DPP10: variants seen among roughly 807,000 people sequenced by gnomAD.
DPP10 encodes dipeptidyl peptidase like 10.
In DPP10, 33 loss-of-function variants were observed where a neutral mutation model predicts 120.9. The observed-to-expected ratio is 0.27, with a 90% CI of 0.21 to 0.37. The LOEUF is 0.37. Among genes scored for constraint, DPP10 ranks in the 10% least tolerant of loss-of-function variants. The pLI, the probability that DPP10 is intolerant of heterozygous loss-of-function variation, is 1.00. For synonymous variants in DPP10, 337 were observed against 326.1 expected (o/e 1.03, Z -0.36); for missense variants, 816 against 942.8 (o/e 0.87, Z 1.76).
intron 1 of DPP10, among the ~76,000 whole-genome samples, chr2:114,668,931 C>G (rs1698134633): frequency 6.6e-6 from 1 of 151,990 alleles, no homozygotes; most frequent in Non-Finnish European, 1.5e-5. Flanking sequence ...TCGTAAATGT[C>G]GTGTTCTCAT....
chr2:115,482,421 T>G (rs1055290555), intron 3 of DPP10, among the ~76,000 whole-genome samples: 2 of 151,960 alleles, frequency 1.3e-5, no homozygotes, highest in Non-Finnish European at 2.9e-5. Flanking sequence ...CTTTTTAAAG[T>G]GTACAATTCA....
chr2:114,941,646 C>T (rs138238221), intron 1 of DPP10, among the ~76,000 whole-genome samples: 199 of 152,278 alleles, frequency 1.3e-3, no homozygotes, highest in South Asian at 0.012. Flanking sequence ...CGTATTGCAA[C>T]AGATGTTAAA....
intron 5 of DPP10, among the ~76,000 whole-genome samples, chr2:115,612,468 T>TA (rs1394381544): frequency 7.9e-5 from 12 of 152,182 alleles, no homozygotes; most frequent in African/African-American, 2.4e-4. Context: ...CGAAATCTAC[T>TA]AAAAAATGCA....
intron 1 of DPP10, among the ~76,000 whole-genome samples, chr2:114,503,322 A>C (rs1683358863): frequency 6.6e-6 from 1 of 152,188 alleles, no homozygotes. Context: ...AATGACTGGA[A>C]AAGTGGCTTG....
intron 3 of DPP10, among the ~76,000 whole-genome samples, chr2:115,454,304 T>C (rs1189790659): frequency 6.6e-6 from 1 of 151,622 alleles, no homozygotes; most frequent in African/African-American, 2.4e-5. Flanking sequence ...CAGACTAATA[T>C]TTTTCATAAA....
intron 5 of DPP10, among the ~76,000 whole-genome samples, chr2:115,550,884 T>G (rs2149002410): frequency 6.6e-6 from 1 of 152,320 alleles, no homozygotes; most frequent in South Asian, 2.1e-4. Context: ...GTAGTAGTAA[T>G]CTGGCCCATC....
chr2:114,929,265 G>A (rs564861425), intron 1 of DPP10, among the ~76,000 whole-genome samples: 38 of 152,232 alleles, frequency 2.5e-4, no homozygotes, highest in South Asian at 8.3e-4. Context: ...GAGGTTCCAC[G>A]TCCTGCTGCG....
intron 1 of DPP10, among the ~76,000 whole-genome samples, chr2:115,044,109 CTG>C (rs1165354082): frequency 6.6e-6 from 1 of 152,056 alleles, no homozygotes; most frequent in Non-Finnish European, 1.5e-5. Flanking sequence ...TGTAATCACT[CTG>C]TGTATTAGGC....
At chr2:115,452,883 A>G (rs1481528089) in intron 3 of DPP10, among the ~76,000 whole-genome samples, 1 of 151,954 alleles carries the variant, frequency 6.6e-6, no homozygotes, top group Non-Finnish European at 1.5e-5. Flanking sequence ...AGTGATGAGC[A>G]TATAGTAGGA....
intron 1 of DPP10, among the ~76,000 whole-genome samples, chr2:114,597,202 G>C (rs1691985776): frequency 1.3e-5 from 2 of 152,010 alleles, no homozygotes. Flanking sequence ...TCACCTACTG[G>C]TGAAATAATG....
intron 7 of DPP10, among the ~76,000 whole-genome samples, chr2:115,719,781 A>G (rs2092599112): frequency 6.6e-6 from 1 of 152,198 alleles, no homozygotes; most frequent in Non-Finnish European, 1.5e-5. Flanking sequence ...TTAAGTTTAT[A>G]TTAGCATGCA....
rs1183905073 is a variant in DPP10, at chr2:115,689,829, A to G, written c.495-11A>G. The G allele has an allele frequency of 1.9e-6, 3 of 1,613,624 alleles. No individual in the cohort carries two copies. Among genetic ancestry groups the G allele is most frequent in the Non-Finnish European group, 2.5e-6 (3 of 1,179,928 alleles). On this transcript the variant is annotated splice_polypyrimidine_tract_variant and intron_variant, in intron 6 of 25. Transcript: ENST00000410059. ...AGTTTGTTCATGTAAAAATATTCAC[A>G]TTTTTTCAAGGGAAGTTTGGGAGTT...
chr2:115,088,816 A>C (rs112635944), intron 1 of DPP10, among the ~76,000 whole-genome samples: 1 of 150,766 alleles, frequency 6.6e-6, no homozygotes, highest in Non-Finnish European at 1.5e-5. Flanking sequence ...TTTAAAAAAT[A>C]TAATGAATTT....
rs766193266 is a variant in DPP10, at chr2:115,840,818, A to C, written c.2251A>C (p.Met751Leu). Residue 751 changes from methionine (M) to leucine (L), a missense_variant, in exon 25 of 26, where the codon ATG becomes CTG. Around this residue, in one of 3 missense-constraint regions of DPP10, gnomAD observed 592 missense variants for 649.0 expected, o/e 0.91. Coordinates refer to ENST00000410059, the MANE Select transcript of DPP10 (RefSeq NM_020868.6). ...HLIKAGVNYT[M>L]QVYPDEGHNV... is the part of the protein sequence containing the mutation. The stretch of plus-strand genomic sequence containing the variant: ...AATAAAAGCTGGAGTGAATTATACT[A>C]TGCAGGTAAGCTACTTTCTTAGAAG... 9.9e-6 allele frequency: 16 copies of C among 1,610,380 alleles called. No individual in the cohort carries two copies. The highest frequency in any genetic ancestry group is 1.7e-4 in the Middle Eastern group (1 of 6,024).
chr2:115,245,785 TTC>T (rs1210955600), intron 1 of DPP10, among the ~76,000 whole-genome samples: 1 of 152,158 alleles, frequency 6.6e-6, no homozygotes, highest in African/African-American at 2.4e-5. Flanking sequence ...CATGATAGAT[TTC>T]TGTCATATAA....
intron 1 of DPP10, among the ~76,000 whole-genome samples, chr2:114,683,911 C>A (rs903709319): frequency 6.6e-6 from 1 of 151,954 alleles, no homozygotes; most frequent in African/African-American, 2.4e-5. Flanking sequence ...TCCAAACTCG[C>A]TGTTTAAGTA....
intron 1 of DPP10, among the ~76,000 whole-genome samples, chr2:115,203,981 A>G (rs1367546432): frequency 3.3e-5 from 5 of 152,178 alleles, no homozygotes; most frequent in African/African-American, 4.8e-5. Flanking sequence ...TTTATTGTCA[A>G]ATGAATACCT....
At chr2:115,335,057 G>A (rs1394858814) in intron 2 of DPP10, among the ~76,000 whole-genome samples, 1 of 151,886 alleles carries the variant, frequency 6.6e-6, no homozygotes, top group Admixed American at 6.6e-5. Flanking sequence ...CACAATCATG[G>A]TGGAAGAAAA....
At chr2:114,643,904 T>A (rs2105443907) in intron 1 of DPP10, among the ~76,000 whole-genome samples, 1 of 148,340 alleles carries the variant, frequency 6.7e-6, no homozygotes, top group African/African-American at 2.5e-5. Flanking sequence ...TATGTGTGTA[T>A]ATATATATGT....
Sources: gnomAD v4.1 joint callset for allele counts (sites outside exome capture counted in the v4.1 genomes callset) on GRCh38, gnomAD v4.1.1 for gene constraint, gnomAD v4.1.1 regional missense constraint, MANE v1.5 for transcripts, NCBI Gene and HGNC (gene_info 2026-07-23, HGNC 2026-07-21) for gene names.